DENND1A: variants seen among roughly 807,000 people sequenced by gnomAD.
DENND1A encodes DENN domain-containing protein 1A.
DENND1A carries 51 observed loss-of-function variants against 113.7 expected under a neutral mutation model. The ratio of observed to expected loss-of-function variants is 0.45; its 90% CI spans 0.36 to 0.57. The LOEUF (loss-of-function observed/expected upper bound fraction) is 0.57, where lower values mean the gene tolerates loss of function less well. Ranked by LOEUF, DENND1A falls within the 20% of genes least tolerant of loss-of-function variation. DENND1A has a pLI of 0.00. For missense variants in DENND1A, 1,258 were observed against 1,395.9 expected (o/e 0.90, Z 1.57); for synonymous variants, 565 against 570.8 (o/e 0.99, Z 0.14).
chr9:123,664,894 T>C (rs1013005043), intron 8 of DENND1A, among the ~76,000 whole-genome samples: 3 of 152,222 alleles, frequency 2.0e-5, no homozygotes, highest in Non-Finnish European at 4.4e-5. Context: ...GCCTCCTTCA[T>C]AGCCAGAGTA....
At chr9:123,440,286 G>GC (rs1420793121) in intron 19 of DENND1A, 74 bp downstream of exon 19, 3 of 1,481,424 alleles carry the variant, frequency 2.0e-6, no homozygotes, top group Non-Finnish European at 2.7e-6. Context: ...ACCGTCTGCT[G>GC]CATGTGCTAC....
intron 2 of DENND1A, among the ~76,000 whole-genome samples, chr9:123,809,036 C>G (rs1479100019): frequency 6.6e-6 from 1 of 152,172 alleles, no homozygotes; most frequent in Non-Finnish European, 1.5e-5. Context: ...CCAGTCAGAT[C>G]CACCTAGTGA....
chr9:123,508,982 G>A (rs183300876), intron 13 of DENND1A, among the ~76,000 whole-genome samples: 57 of 152,184 alleles, frequency 3.7e-4, no homozygotes, highest in South Asian at 6.2e-4. Context: ...GCACATGTAC[G>A]TCACCATACA....
chr9:123,648,088 T>G (rs545427227), intron 9 of DENND1A, among the ~76,000 whole-genome samples: 1 of 151,998 alleles, frequency 6.6e-6, no homozygotes, highest in East Asian at 1.9e-4. Flanking sequence ...TGGTTTTGTT[T>G]GTTTTTTCAG....
intron 19 of DENND1A, among the ~76,000 whole-genome samples, chr9:123,435,510 C>T (rs2046451446): frequency 6.6e-6 from 1 of 152,204 alleles, no homozygotes. Context: ...GTTTAGAAAC[C>T]TTTGTTCAGA....
At chr9:123,888,490 C>T (rs1215149745) in intron 1 of DENND1A, among the ~76,000 whole-genome samples, 1 of 152,172 alleles carries the variant, frequency 6.6e-6, no homozygotes, top group Non-Finnish European at 1.5e-5. Context: ...TTGGCAAAAA[C>T]CTAGTCAAGT....
chr9:123,532,535 T>A (rs946700292), intron 13 of DENND1A, among the ~76,000 whole-genome samples: 7 of 152,206 alleles, frequency 4.6e-5, no homozygotes, highest in Non-Finnish European at 7.3e-5. Flanking sequence ...CTTACCTCAA[T>A]CTGTCATTGT....
In DENND1A at chr9:123,568,168, C is replaced by G. The variant is rs551002650; in HGVS notation, c.868-10473G>C. 2.0e-5 allele frequency among the ~76,000 whole-genome samples: 3 copies of G among 152,284 alleles called. No homozygotes were observed. In the East Asian group the frequency reaches 5.8e-4, roughly 29 times the overall value. ...ATGGATGAATATATTCTAGTGACCT[C>G]TAGGCATGAGGGGACCACACTTTAC... On this transcript the variant is annotated intron_variant, in intron 12 of 23. Coordinates refer to ENST00000394215, the MANE Select transcript of DENND1A (RefSeq NM_001352964.2).
At chr9:123,921,563 A>G (rs1237153084) in intron 1 of DENND1A, among the ~76,000 whole-genome samples, 1 of 152,226 alleles carries the variant, frequency 6.6e-6, no homozygotes, top group African/African-American at 2.4e-5. Context: ...TGAATTCAAA[A>G]GGTGGTTTTT....
chr9:123,787,072 A>ACAAG (rs1832297457), intron 3 of DENND1A, among the ~76,000 whole-genome samples: 2 of 152,198 alleles, frequency 1.3e-5, no homozygotes, highest in Admixed American at 1.3e-4. Context: ...CATGGTTTAA[A>ACAAG]CAAGCCACTG....
intron 19 of DENND1A, among the ~76,000 whole-genome samples, chr9:123,416,087 T>C (rs1293656290): frequency 6.6e-6 from 1 of 152,164 alleles, no homozygotes; most frequent in African/African-American, 2.4e-5. Context: ...ATGTAGGGAC[T>C]ACAACAGTGT....
At chr9:123,463,759 AT>A (rs2048718261) in intron 13 of DENND1A, among the ~76,000 whole-genome samples, 1 of 152,080 alleles carries the variant, frequency 6.6e-6, no homozygotes, top group Non-Finnish European at 1.5e-5. Flanking sequence ...AAATACAAAA[AT>A]TAGCCAGGCA....
intron 12 of DENND1A, among the ~76,000 whole-genome samples, chr9:123,577,589 T>C (rs1317012401): frequency 1.3e-5 from 2 of 152,228 alleles, no homozygotes; most frequent in Admixed American, 6.5e-5. Context: ...TTGTGTTGCC[T>C]TCTTTTAAAG....
chr9:123,839,703 T>C (rs1455867153), intron 2 of DENND1A, among the ~76,000 whole-genome samples: 1 of 152,230 alleles, frequency 6.6e-6, no homozygotes. Flanking sequence ...TAATTTGGAA[T>C]CCTGTGAAGA....
chr9:123,689,337 T>A (rs556146694), intron 5 of DENND1A, among the ~76,000 whole-genome samples: 9 of 152,280 alleles, frequency 5.9e-5, no homozygotes, highest in African/African-American at 2.2e-4. Context: ...TGATGTAAAT[T>A]CATAAACTCA....
At position 123,508,265 on chromosome 9, in the gene DENND1A, G is replaced by A. The variant is rs751596756; in HGVS notation, c.993+49305C>T. On this transcript the variant is annotated intron_variant, in intron 13 of 23. Transcript: ENST00000394215. Reference sequence around the variant, plus strand: ...TGATGACAACGGGATCATATTGTCCGGACCTGATAGGACAGAGTCAAATTC... The same window carrying A: ...TGATGACAACGGGATCATATTGTCCAGACCTGATAGGACAGAGTCAAATTC... 3.9e-5 allele frequency among the ~76,000 whole-genome samples: 6 copies of A among 152,180 alleles called. No individual in the cohort carries two copies. The South Asian group carries it at 6.2e-4, about 16-fold the overall frequency.
rs761904143 is a variant in DENND1A at position 123,564,977 on chromosome 9, C to CT, written c.868-7283dup. Among the ~76,000 whole-genome samples, 257 of 115,956 alleles carry CT rather than the reference C, an allele frequency of 2.2e-3. 1 individual carries two copies. The highest frequency in any genetic ancestry group is 3.4e-3 in the Non-Finnish European group (177 of 52,384). The allele number at this position is 115,956 out of a possible 152,430, so 76.1% of individuals were successfully genotyped here. Reference sequence around the variant, plus strand: ...GCAAGAATCCAATTAATGTCTGTCCCTTCTTTTTTTTTTTTTTTTTTTTTT... The same window carrying CT: ...GCAAGAATCCAATTAATGTCTGTCCCTTTCTTTTTTTTTTTTTTTTTTTTTT... On this transcript the variant is annotated intron_variant, in intron 12 of 23. Transcript: ENST00000394215.
At position 123,557,600 on chromosome 9, in the gene DENND1A, A is replaced by G; in HGVS notation, c.963T>C (p.Gly321=). The change falls in exon 13 of 24, where the codon GGT becomes GGC. Residue 321 remains glycine (G), a synonymous_variant. Coordinates refer to ENST00000394215, the MANE Select transcript of DENND1A (RefSeq NM_001352964.2). ...AFLKAQAAFF[G]SYRNALKIEP... ...CGATTTTCAGAGCGTTTCGGTAGCT[A>G]CCGAAGAAAGCAGCCTGGGCCTTGA... 6.2e-7 allele frequency: 1 copy of G among 1,614,012 alleles called. No individual in the cohort carries two copies. The highest frequency in any genetic ancestry group is 8.5e-7 in the Non-Finnish European group (1 of 1,179,958).
rs75327820 is a variant in DENND1A, at chr9:123,578,618, T to A, written c.867+4551A>T. ...GATTTCATCTACCATAATAACCCAATCCATATGTGCCTTCCATCCTTCCAT... is the reference window on the plus strand; with the variant it reads ...GATTTCATCTACCATAATAACCCAAACCATATGTGCCTTCCATCCTTCCAT... On this transcript the variant is annotated intron_variant, in intron 12 of 23. Transcript: ENST00000394215. Among the ~76,000 whole-genome samples, 7 of 152,298 alleles carry A rather than the reference T, an allele frequency of 4.6e-5. No individual in the cohort carries two copies. In the East Asian group the frequency reaches 9.6e-4, roughly 21 times the overall value.
Sources: allele counts gnomAD v4.1 joint callset (sites outside exome capture counted in the v4.1 genomes callset), GRCh38; gene constraint gnomAD v4.1.1; transcripts MANE v1.5; gene names NCBI Gene and HGNC (gene_info 2026-07-23, HGNC 2026-07-21).